Variants in CIT observed in about 807,000 individuals in gnomAD.
The protein encoded by CIT is citron rho-interacting serine/threonine kinase.
Under a neutral mutation model 272.7 loss-of-function variants are expected in CIT, and 79 were observed. The ratio of observed to expected loss-of-function variants is 0.29; its 90% CI spans 0.24 to 0.35. The LOEUF (loss-of-function observed/expected upper bound fraction) is 0.35. Ranked by LOEUF, CIT falls within the 10% of genes least tolerant of loss-of-function variation. The pLI is 1.00. For missense variants in CIT, 1,909 were observed against 2,618.3 expected (o/e 0.73, Z 5.91); for synonymous variants, 948 against 995.6 (o/e 0.95, Z 0.90).
intron 9 of CIT, among the ~76,000 whole-genome samples, chr12:119,807,548 T>C (rs1966681925): frequency 6.6e-6 from 1 of 152,156 alleles, no homozygotes; most frequent in Non-Finnish European, 1.5e-5. Context: ...GAGGTACACA[T>C]GGCACCTCAG....
In CIT at chr12:119,709,787, AGTGTGTGTGTGTGT is replaced by A. The variant is rs150206566; in HGVS notation, c.5071+450_5071+463del. On this transcript the variant is annotated intron_variant, in intron 39 of 47. Coordinates refer to ENST00000392521, the MANE Select transcript of CIT (RefSeq NM_001206999.2). ...AAGAGAGAGAGAGAGAGAGAGAGAG[AGTGTGTGTGTGTGT>A]GTGTGTGTGTGTGTGTGTGTGTGTG... 5.6e-3 allele frequency among the ~76,000 whole-genome samples: 606 copies of A among 107,648 alleles called. 7 individuals carry two copies. The highest frequency in any genetic ancestry group is 0.028 in the East Asian group (103 of 3,710). 70.6% of individuals were successfully genotyped at this position (107,648 alleles called of 152,430 possible).
chr12:119,695,358 C>T (rs1206127542), intron 46 of CIT, among the ~76,000 whole-genome samples: 1 of 152,114 alleles, frequency 6.6e-6, no homozygotes, highest in Admixed American at 6.5e-5. Context: ...ACCTGCCTAG[C>T]GACGCTCCGT....
At chr12:119,791,103 C>T (rs1965269593) in intron 10 of CIT, among the ~76,000 whole-genome samples, 1 of 152,178 alleles carries the variant, frequency 6.6e-6, no homozygotes, top group African/African-American at 2.4e-5. Flanking sequence ...ATGATTTGTG[C>T]AGGGGTGCCA....
At chr12:119,776,619 A>G in intron 14 of CIT, 53 bp downstream of exon 14, 1 of 1,531,648 alleles carries the variant, frequency 6.5e-7, no homozygotes, top group South Asian at 1.2e-5. Flanking sequence ...TTTCTTGCTA[A>G]GATCATGTAC....
intron 15 of CIT, 33 bp from the exon 16 acceptor site, chr12:119,775,872 G>A: frequency 1.3e-6 from 2 of 1,564,552 alleles, no homozygotes; most frequent in Non-Finnish European, 1.8e-6. Context: ...TAAAGCAAAA[G>A]GCAAATCAGC....
intron 46 of CIT, among the ~76,000 whole-genome samples, chr12:119,696,591 TCTCAG>T (rs1956234714): frequency 1.3e-5 from 2 of 152,128 alleles, no homozygotes; most frequent in South Asian, 4.1e-4. Flanking sequence ...AGTGGTGTGA[TCTCAG>T]CTCACGGCAA....
At chr12:119,872,002 G>C (rs1309844030) in intron 2 of CIT, among the ~76,000 whole-genome samples, 1 of 152,194 alleles carries the variant, frequency 6.6e-6, no homozygotes, top group African/African-American at 2.4e-5. Context: ...AATTAAAGCA[G>C]GGGTTCCCAA....
At chr12:119,714,660 A>G (rs971439871) in intron 32 of CIT, among the ~76,000 whole-genome samples, 1 of 152,198 alleles carries the variant, frequency 6.6e-6, no homozygotes, top group Non-Finnish European at 1.5e-5. Flanking sequence ...TAGGATGTCT[A>G]CAGTCTAAAA....
chr12:119,701,499 G>T, intron 43 of CIT, 125 bp downstream of exon 43: 2 of 1,080,046 alleles, frequency 1.9e-6, no homozygotes, highest in South Asian at 1.6e-5. Flanking sequence ...GTGCTGGAAG[G>T]ACATTCTCTG....
intron 9 of CIT, among the ~76,000 whole-genome samples, chr12:119,806,125 G>A (rs61651428): frequency 0.038 from 3,017 of 79,616 alleles, 118 homozygotes; most frequent in African/African-American, 0.15. Context: ...GAACAAGAGC[G>A]AAACACCATC....
intron 23 of CIT, among the ~76,000 whole-genome samples, chr12:119,748,934 A>C (rs1378272754): frequency 6.6e-6 from 1 of 152,212 alleles, no homozygotes; most frequent in African/African-American, 2.4e-5. Flanking sequence ...GACTCAAATT[A>C]TCTCCCTTGA....
chr12:119,752,597 A>C (rs1816123468), intron 22 of CIT, among the ~76,000 whole-genome samples: 1 of 152,266 alleles, frequency 6.6e-6, no homozygotes, highest in African/African-American at 2.4e-5. Flanking sequence ...CTAAGCAGAT[A>C]TAAATAACAA....
intron 5 of CIT, among the ~76,000 whole-genome samples, chr12:119,843,924 G>A (rs982361124): frequency 3.9e-5 from 6 of 152,170 alleles, no homozygotes; most frequent in Admixed American, 1.3e-4. Context: ...AGGACTGTAC[G>A]GTACCGATAT....
At chr12:119,781,248 C>T (rs190044844) in intron 13 of CIT, among the ~76,000 whole-genome samples, 25 of 152,310 alleles carry the variant, frequency 1.6e-4, no homozygotes, top group African/African-American at 5.5e-4. Flanking sequence ...ACAGGGTTTC[C>T]GTCCTATGCA....
intron 10 of CIT, among the ~76,000 whole-genome samples, chr12:119,791,323 A>G (rs1017483467): frequency 6.6e-6 from 1 of 152,184 alleles, no homozygotes; most frequent in African/African-American, 2.4e-5. Flanking sequence ...TTCAGTGCTA[A>G]GAAGCTGACT....
intron 5 of CIT, among the ~76,000 whole-genome samples, chr12:119,846,345 C>G (rs2138217738): frequency 6.6e-6 from 1 of 152,250 alleles, no homozygotes; most frequent in South Asian, 2.1e-4. Context: ...ATGTGAAAAT[C>G]CCAAAGCATT....
At chr12:119,814,234 G>T (rs11064918) in intron 9 of CIT, among the ~76,000 whole-genome samples, 2,931 of 152,072 alleles carry the variant, frequency 0.019, 74 homozygotes, top group East Asian at 0.13. Flanking sequence ...AGACTAGTGG[G>T]GGAAAATCCT....
intron 9 of CIT, among the ~76,000 whole-genome samples, chr12:119,810,652 G>A (rs1456613510): frequency 5.4e-5 from 8 of 149,416 alleles, no homozygotes; most frequent in East Asian, 2.0e-4. Context: ...GCAATGAGCC[G>A]AGATGGTGGC....
chr12:119,781,669 G>GA (rs34594062), intron 13 of CIT, among the ~76,000 whole-genome samples: 6 of 151,670 alleles, frequency 4.0e-5, no homozygotes, highest in South Asian at 2.1e-4. Flanking sequence ...CGTTTAGAAA[G>GA]AAAAAAAAGA....
Sources: allele counts gnomAD v4.1 joint callset (sites outside exome capture counted in the v4.1 genomes callset), GRCh38; gene constraint gnomAD v4.1.1; transcripts MANE v1.5; gene names NCBI Gene and HGNC (gene_info 2026-07-23, HGNC 2026-07-21).